Variants in TP63 observed in about 807,000 individuals in gnomAD.
The protein encoded by TP63 is tumor protein 63.
A neutral mutation model predicts 82.8 loss-of-function variants in TP63; 17 were observed. The observed-to-expected ratio is 0.21, with a 90% CI of 0.14 to 0.31. TP63 has a LOEUF of 0.31. Among genes scored for constraint, TP63 ranks in the 10% least tolerant of loss-of-function variants. TP63 has a pLI of 1.00. For synonymous variants in TP63, 330 were observed against 321.7 expected (o/e 1.03, Z -0.28); for missense variants, 648 against 895.3 (o/e 0.72, Z 3.52).
chr3:189,884,268 G>T (rs1027031583), intron 10 of TP63, among the ~76,000 whole-genome samples: 3 of 152,196 alleles, frequency 2.0e-5, no homozygotes, highest in Non-Finnish European at 2.9e-5. Flanking sequence ...CTTTGAAAAG[G>T]TTCCCCCACA....
At chr3:189,667,705 C>T (rs532966280) in intron 1 of TP63, among the ~76,000 whole-genome samples, 1 of 152,238 alleles carries the variant, frequency 6.6e-6, no homozygotes, top group Non-Finnish European at 1.5e-5. Flanking sequence ...TGCCCCAACT[C>T]AGCTAGAGTG....
chr3:189,717,160 G>T (rs976137948), intron 1 of TP63, among the ~76,000 whole-genome samples: 1 of 151,908 alleles, frequency 6.6e-6, no homozygotes, highest in Non-Finnish European at 1.5e-5. Context: ...CAACATACAC[G>T]TATACGAACT....
rs557823199 is a variant in TP63 at position 189,681,704 on chromosome 3, C to G, written c.62+50127C>G. Among the ~76,000 whole-genome samples, 3 of 152,110 alleles carry G rather than the reference C, an allele frequency of 2.0e-5. No homozygotes were observed. The South Asian group carries it at 6.2e-4, about 32-fold the overall frequency. On this transcript the variant is annotated intron_variant, in intron 1 of 13. Transcript: ENST00000264731. The stretch of plus-strand genomic sequence containing the variant: ...TTCCTCCTCCTCCTTTTTTTCTACT[C>G]TCTCGCTGACTGCCTCTAAAAGTAA...
intron 1 of TP63, among the ~76,000 whole-genome samples, chr3:189,691,354 A>G (rs540577255): frequency 1.1e-4 from 16 of 147,280 alleles, no homozygotes; most frequent in African/African-American, 3.5e-4. Context: ...AAAAAAAAAA[A>G]AAAAAAGAAA....
chr3:189,698,250 A>G (rs922285175), intron 1 of TP63, among the ~76,000 whole-genome samples: 1 of 152,064 alleles, frequency 6.6e-6, no homozygotes, highest in African/African-American at 2.4e-5. Flanking sequence ...TGGATATCGG[A>G]TGTTGTCAAA....
chr3:189,738,720 G>A lies in TP63; in HGVS notation c.270G>A (p.Glu90=). 1.2e-6 allele frequency: 2 copies of A among 1,614,150 alleles called. No homozygotes were observed. The highest frequency in any genetic ancestry group is 1.7e-6 in the Non-Finnish European group (2 of 1,180,008). Residue 90 remains glutamate (E), a synonymous_variant, in exon 3 of 14, where the codon GAG becomes GAA. Coordinates refer to ENST00000264731, the MANE Select transcript of TP63 (RefSeq NM_003722.5). ...PSEDGATNKI[E]ISMDCIRMQD... ...AAGATGGTGCGACAAACAAGATTGA[G>A]ATTAGCATGGACTGTATCCGCATGC...
chr3:189,619,208 G>A, the TP63 span, among the ~76,000 whole-genome samples: 2 of 152,122 alleles, frequency 1.3e-5, no homozygotes, highest in African/African-American at 4.8e-5. Context: ...CACTGTCTGG[G>A]ACCTGGCAGC....
rs58926854 is a variant in TP63 at position 189,748,508 on chromosome 3, C to CAAAAAAAAAAA, written c.324+9749_324+9759dup. Among the ~76,000 whole-genome samples the CAAAAAAAAAAA allele has an allele frequency of 4.2e-4, 13 of 31,252 alleles. No homozygotes were observed. In the East Asian group the frequency reaches 5.6e-3, roughly 13 times the overall value. 20.5% of individuals were successfully genotyped at this position (31,252 alleles called of 152,430 possible). On this transcript the variant is annotated intron_variant, in intron 3 of 13. Transcript: ENST00000264731. ...CAAAATATCTCTACAAGGAAAACTACAAAAAAAAAAAAAAAAAAAAAAAAA... is the reference window on the plus strand; with the variant it reads ...CAAAATATCTCTACAAGGAAAACTACAAAAAAAAAAAAAAAAAAAAAAAAAAAAAAAAAAAA...
intron 1 of TP63, among the ~76,000 whole-genome samples, chr3:189,726,568 A>G (rs1428617335): frequency 6.6e-6 from 1 of 152,222 alleles, no homozygotes; most frequent in Non-Finnish European, 1.5e-5. Flanking sequence ...TTGGGTCACC[A>G]TCCCATATTT....
intron 3 of TP63, among the ~76,000 whole-genome samples, chr3:189,777,777 G>A (rs558240586): frequency 8.6e-6 from 1 of 116,546 alleles, no homozygotes; most frequent in African/African-American, 3.4e-5. Context: ...TCTTTTAAGT[G>A]TATGTCTCCT....
chr3:189,890,926 C>A (rs1414294484), intron 13 of TP63, 44 bp downstream of exon 13: 2 of 1,587,758 alleles, frequency 1.3e-6, no homozygotes, highest in African/African-American at 1.3e-5. Context: ...TTCTTCATTT[C>A]TTTCCTCTGA....
chr3:189,682,938 T>C (rs2141613), intron 1 of TP63, among the ~76,000 whole-genome samples: 50,638 of 151,828 alleles, frequency 0.33, 8,992 homozygotes, highest in African/African-American at 0.47. Context: ...TAATGAGCGC[T>C]TACATCCATC....
At chr3:189,697,249 T>G (rs1032987533) in intron 1 of TP63, among the ~76,000 whole-genome samples, 1 of 150,820 alleles carries the variant, frequency 6.6e-6, no homozygotes, top group Non-Finnish European at 1.5e-5. Flanking sequence ...TTTTTTTTTT[T>G]GCATATGGAC....
chr3:189,598,640 C>T, the TP63 span, among the ~76,000 whole-genome samples: 1 of 152,156 alleles, frequency 6.6e-6, no homozygotes, highest in Non-Finnish European at 1.5e-5. Flanking sequence ...AGCCCGATAA[C>T]AGAAGTAAAC....
At chr3:189,851,672 C>T (rs1715648526) in intron 4 of TP63, among the ~76,000 whole-genome samples, 1 of 152,114 alleles carries the variant, frequency 6.6e-6, no homozygotes, top group African/African-American at 2.4e-5. Flanking sequence ...CAAGGGCAGG[C>T]GGTCCCCCTG....
chr3:189,647,745 TAAAAC>T (rs1418507803), intron 1 of TP63, among the ~76,000 whole-genome samples: 1 of 146,616 alleles, frequency 6.8e-6, no homozygotes. Flanking sequence ...AAAAAAAAAG[TAAAAC>T]AAACCTCTAC....
intron 4 of TP63, among the ~76,000 whole-genome samples, chr3:189,839,203 A>G (rs1713622557): frequency 6.6e-6 from 1 of 152,186 alleles, no homozygotes; most frequent in South Asian, 2.1e-4. Flanking sequence ...AAGAGAGAAG[A>G]ATGAAGGATC....
chr3:189,842,117 T>A (rs1360658915), intron 4 of TP63, among the ~76,000 whole-genome samples: 1 of 152,144 alleles, frequency 6.6e-6, no homozygotes, highest in Non-Finnish European at 1.5e-5. Context: ...GATAATGTTT[T>A]CTCTACCTTA....
intron 1 of TP63, among the ~76,000 whole-genome samples, chr3:189,686,453 T>C (rs1216771616): frequency 1.3e-5 from 2 of 152,110 alleles, no homozygotes; most frequent in African/African-American, 4.8e-5. Flanking sequence ...CTCCAGTTTT[T>C]GGGGATCATG....
Sources: allele counts gnomAD v4.1 joint callset (sites outside exome capture counted in the v4.1 genomes callset), GRCh38; gene constraint gnomAD v4.1.1; transcripts MANE v1.5; gene names NCBI Gene and HGNC (gene_info 2026-07-23, HGNC 2026-07-21).